Variants in CCER2 observed in about 807,000 individuals in gnomAD.
The protein encoded by CCER2 is coiled-coil domain-containing glutamate-rich protein 2.
Under a neutral mutation model 27.1 loss-of-function variants are expected in CCER2, and 20 were observed. The ratio of observed to expected loss-of-function variants is 0.74; its 90% CI spans 0.52 to 1.07. The LOEUF is 1.07. CCER2 is among the 50% of genes least tolerant of loss of function. The pLI, the probability that CCER2 is intolerant of heterozygous loss-of-function variation, is 0.00. For synonymous variants in CCER2, 140 were observed against 144.3 expected (o/e 0.97, Z 0.21); for missense variants, 351 against 344.7 (o/e 1.02, Z -0.14).
chr19:38,909,603 C>T (rs368248595), intron 4 of CCER2, among the ~76,000 whole-genome samples: 19 of 152,232 alleles, frequency 1.2e-4, no homozygotes, highest in East Asian at 7.7e-4. Context: ...GATGGAGTCT[C>T]GCTCTGTCAC....
Position 38,912,101 on chromosome 19 carries a change from C to T in CCER2, c.58G>A (p.Ala20Thr). Residue 20 changes from alanine to threonine, a missense_variant, in exon 1 of 5, where the codon GCG becomes ACG. By Grantham distance (58) the Ala-to-Thr change is moderately conservative. Transcript: ENST00000571838. ...ACTCGGCAGGTCCCGCACTCACCCG[C>T]CCCCAGCAGGAGCAGCCGCAGCAGC... ...LLLLRLLLLGAATAAPLAPRP... is the reference protein window; with the variant it reads ...LLLLRLLLLGTATAAPLAPRP... 6.6e-7 allele frequency: 1 copy of T among 1,517,128 alleles called. No homozygotes were observed. The highest frequency in any genetic ancestry group is 8.8e-7 in the Non-Finnish European group (1 of 1,139,368). The allele number at this position is 1,517,128 out of a possible 1,614,324, so 94.0% of individuals were successfully genotyped here. A position where few individuals can be genotyped will look rare whatever the true frequency, so the allele number is the denominator to read the frequency against.
rs757836952 is a variant in CCER2 at position 38,909,339 on chromosome 19, A to T, written c.712-14T>A. ...CACCTCCTTTTCCTGGTGGGGTCAGAAACGGGGTAGTCAGCACCCACCTTC... is the reference window on the plus strand; with the variant it reads ...CACCTCCTTTTCCTGGTGGGGTCAGTAACGGGGTAGTCAGCACCCACCTTC... On this transcript the variant is annotated splice_polypyrimidine_tract_variant and intron_variant, in intron 4 of 4. Transcript: ENST00000571838. 28 of 1,535,258 alleles carry T rather than the reference A, an allele frequency of 1.8e-5. No homozygotes were observed. Among genetic ancestry groups the T allele is most frequent in the Non-Finnish European group, 8.7e-7 (1 of 1,146,654 alleles).
Position 38,909,090 on chromosome 19 carries a change from C to G in CCER2, c.*146G>C. 1 of 1,015,776 alleles carries G rather than the reference C, an allele frequency of 9.8e-7. No homozygotes were observed. The highest frequency in any genetic ancestry group is 1.4e-6 in the Non-Finnish European group (1 of 702,372). The allele number at this position is 1,015,776 out of a possible 1,614,324, so 62.9% of individuals were successfully genotyped here. A position where few individuals can be genotyped will look rare whatever the true frequency, so the allele number is the denominator to read the frequency against. ...CAGCCCCCGGCCCAGCTCAGACTCA[C>G]CTCCTTGGGTGTGGTTCCAAGGCAC... On this transcript the variant is annotated 3_prime_UTR_variant, in exon 5 of 5. Transcript: ENST00000571838.
Position 38,909,104 on chromosome 19 carries a change from G to T in CCER2, c.*132C>A. The T allele has an allele frequency of 9.1e-7, 1 of 1,094,578 alleles. No individual in the cohort carries two copies. The allele number at this position is 1,094,578 out of a possible 1,614,324, so 67.8% of individuals were successfully genotyped here. On this transcript the variant is annotated 3_prime_UTR_variant, in exon 5 of 5. Transcript: ENST00000571838. ...GCTCAGACTCACCTCCTTGGGTGTG[G>T]TTCCAAGGCACGTCCGCCTCCTCCC...
rs777939602 is a variant in CCER2, at chr19:38,911,607, C to T, written c.149G>A (p.Gly50Asp). ...AGTGCAGGGTCCTCTCTGGACCTGG[C>T]CCACGGTCAGCACCTCTGTGACCAC... Reference protein sequence around the residue: ...AEVVTEVLTVGQVQRGPCTAL... With the variant: ...AEVVTEVLTVDQVQRGPCTAL... Residue 50 changes from glycine to aspartate, a missense_variant, in exon 3 of 5, where the codon GGC becomes GAC. Transcript: ENST00000571838. 29 of 1,535,436 alleles carry T rather than the reference C, an allele frequency of 1.9e-5. No homozygotes were observed. In the South Asian group the frequency reaches 3.2e-4, roughly 17 times the overall value.
chr19:38,911,492 G>T, intron 3 of CCER2, 74 bp downstream of exon 3: 1 of 1,292,160 alleles, frequency 7.7e-7, no homozygotes, highest in Non-Finnish European at 1.1e-6. Context: ...TGGGCACCTG[G>T]GCAGGACCCT....
At chr19:38,911,944 A>C in intron 1 of CCER2, 92 bp from the exon 2 acceptor site, 1 of 1,500,820 alleles carries the variant, frequency 6.7e-7, no homozygotes, top group Non-Finnish European at 8.9e-7. Context: ...GTCCCCACAC[A>C]TCCCCTCCCC....
At position 38,909,136 on chromosome 19, in the gene CCER2, G is replaced by C; in HGVS notation, c.*100C>G. On this transcript the variant is annotated 3_prime_UTR_variant, in exon 5 of 5. Transcript: ENST00000571838. ...GGCACGTCCGCCTCCTCCCCTGTTT[G>C]GGTAGGGGTGGCGTGGGGTGCTAGG... is the stretch of plus-strand genomic sequence containing the variant. The C allele has an allele frequency of 8.0e-7, 1 of 1,255,192 alleles. No homozygotes were observed. Among genetic ancestry groups the C allele is most frequent in the South Asian group, 1.3e-5 (1 of 74,562 alleles). The allele number at this position is 1,255,192 out of a possible 1,614,324, so 77.8% of individuals were successfully genotyped here.
rs1974307231 is a variant in CCER2 at position 38,911,491 on chromosome 19, G to A, written c.190+75C>T. ...TGGGTGGGAGAGCATGTGGGCACCTGGGCAGGACCCTGGGTGGGGTAGGGT... is the reference window on the plus strand; with the variant it reads ...TGGGTGGGAGAGCATGTGGGCACCTAGGCAGGACCCTGGGTGGGGTAGGGT... On this transcript the variant is annotated intron_variant, in intron 3 of 4. Transcript: ENST00000571838. 6 of 1,282,724 alleles carry A rather than the reference G, an allele frequency of 4.7e-6. No homozygotes were observed. The South Asian group carries it at 7.7e-5, about 16-fold the overall frequency. 79.5% of individuals were successfully genotyped at this position (1,282,724 alleles called of 1,614,324 possible). A position where few individuals can be genotyped will look rare whatever the true frequency, so the allele number is the denominator to read the frequency against.
chr19:38,909,507 G>A (rs1347256922), intron 4 of CCER2, among the ~76,000 whole-genome samples, 182 bp from the exon 5 acceptor site: 1 of 152,174 alleles, frequency 6.6e-6, no homozygotes, highest in Non-Finnish European at 1.5e-5. Flanking sequence ...GCTGGCTAAC[G>A]CGACCACAGC....
intron 3 of CCER2, 75 bp downstream of exon 3, chr19:38,911,491 G>T: frequency 1.6e-6 from 2 of 1,282,840 alleles, no homozygotes; most frequent in Non-Finnish European, 2.2e-6. Context: ...GTGGGCACCT[G>T]GGCAGGACCC....
chr19:38,912,108 C>A lies in CCER2; in HGVS notation c.51G>T (p.Leu17=). The stretch of plus-strand genomic sequence containing the variant: ...AGGTCCCGCACTCACCCGCCCCCAG[C>A]AGGAGCAGCCGCAGCAGCAGCAGCT... ...ASELLLLRLL[L]LGAATAAPLA... Residue 17 remains leucine, a synonymous_variant, in exon 1 of 5, where the codon CTG becomes CTT. Transcript: ENST00000571838. 6.6e-7 allele frequency: 1 copy of A among 1,516,674 alleles called. No homozygotes were observed. The highest frequency in any genetic ancestry group is 8.8e-7 in the Non-Finnish European group (1 of 1,139,062). The allele number at this position is 1,516,674 out of a possible 1,614,324, so 94.0% of individuals were successfully genotyped here. A position where few individuals can be genotyped will look rare whatever the true frequency, so the allele number is the denominator to read the frequency against.
rs1444600827 is a variant in CCER2 at position 38,910,624 on chromosome 19, T to C, written c.650A>G (p.His217Arg). 8.5e-6 allele frequency: 13 copies of C among 1,525,322 alleles called. No individual in the cohort carries two copies. Among genetic ancestry groups the C allele is most frequent in the African/African-American group, 2.7e-5 (2 of 72,918 alleles). 94.5% of individuals were successfully genotyped at this position (1,525,322 alleles called of 1,614,324 possible). A position where few individuals can be genotyped will look rare whatever the true frequency, so the allele number is the denominator to read the frequency against. ...CTCAGCCTCTGGCTGGTGGTGGTGG[T>C]GGTGGTGGTGGGGCAAGTCCTCGCG... is the stretch of plus-strand genomic sequence containing the variant. ...ERREDLPHHH[H>R]HHHQPEAEPR... is the part of the protein sequence containing the mutation. The change falls in exon 4 of 5, where the codon CAC becomes CGC. Residue 217 changes from histidine to arginine, a missense_variant. By Grantham distance (29) the His-to-Arg change is conservative. Coordinates refer to ENST00000571838, the MANE Select transcript of CCER2 (RefSeq NM_001243212.2).
intron 4 of CCER2, 140 bp from the exon 5 acceptor site, chr19:38,909,465 C>A (rs1293349277): frequency 1.8e-5 from 14 of 780,818 alleles, no homozygotes; most frequent in Non-Finnish European, 2.7e-5. Flanking sequence ...CGATGGTGAC[C>A]ATGCTGATTG....
intron 3 of CCER2, 137 bp downstream of exon 3, chr19:38,911,429 G>C (rs1158359078): frequency 9.2e-6 from 7 of 758,288 alleles, no homozygotes; most frequent in African/African-American, 1.7e-5. Context: ...CCAGGCAACA[G>C]GGCTCTGGGA....
chr19:38,909,123 T>C lies in CCER2; in HGVS notation c.*113A>G, dbSNP rs1490481141. 1 of 1,193,644 alleles carries C rather than the reference T, an allele frequency of 8.4e-7. No homozygotes were observed. The highest frequency in any genetic ancestry group is 1.2e-6 in the Non-Finnish European group (1 of 850,828). The allele number at this position is 1,193,644 out of a possible 1,614,324, so 73.9% of individuals were successfully genotyped here. ...GGTGTGGTTCCAAGGCACGTCCGCC[T>C]CCTCCCCTGTTTGGGTAGGGGTGGC... On this transcript the variant is annotated 3_prime_UTR_variant, in exon 5 of 5. Coordinates refer to ENST00000571838, the MANE Select transcript of CCER2 (RefSeq NM_001243212.2).
chr19:38,910,847 TCTCCTCCTTCTC>T lies in CCER2; in HGVS notation c.415_426del (p.Glu139_Glu142del), dbSNP rs1376900616. On this transcript the variant is annotated inframe_deletion, in exon 4 of 5. Transcript: ENST00000571838. ...AAGGTCTCCATGGGCCCCCTCTTCC[TCTCCTCCTTCTC>T]CTCCTCCTCGTCCTCCTCCTGGTGG... is the stretch of plus-strand genomic sequence containing the variant. The T allele has an allele frequency of 1.3e-6, 2 of 1,521,524 alleles. No individual in the cohort carries two copies. The highest frequency in any genetic ancestry group is 1.8e-6 in the Non-Finnish European group (2 of 1,139,550). 94.3% of individuals were successfully genotyped at this position (1,521,524 alleles called of 1,614,324 possible). A position where few individuals can be genotyped will look rare whatever the true frequency, so the allele number is the denominator to read the frequency against.
chr19:38,911,601 A>G lies in CCER2; in HGVS notation c.155T>C (p.Val52Ala), dbSNP rs1974309506. 6.5e-6 allele frequency: 10 copies of G among 1,535,238 alleles called. No individual in the cohort carries two copies. The highest frequency in any genetic ancestry group is 8.7e-6 in the Non-Finnish European group (10 of 1,146,714). ...AAGAGCAGTGCAGGGTCCTCTCTGG[A>G]CCTGGCCCACGGTCAGCACCTCTGT... ...VVTEVLTVGQVQRGPCTALLH... is the reference protein window; with the variant it reads ...VVTEVLTVGQAQRGPCTALLH... Residue 52 changes from valine to alanine, a missense_variant, in exon 3 of 5, where the codon GTC becomes GCC. Transcript: ENST00000571838.
At chr19:38,909,414 T>TA (rs11404115) in intron 4 of CCER2, 89 bp from the exon 5 acceptor site, 492,985 of 1,214,676 alleles carry the variant, frequency 0.41, 105,555 homozygotes, top group East Asian at 0.8. Context: ...TCGGTTCTCA[T>TA]AGTGGCATCC....
Sources: allele counts gnomAD v4.1 joint callset (sites outside exome capture counted in the v4.1 genomes callset), GRCh38; gene constraint gnomAD v4.1.1; transcripts MANE v1.5; gene names NCBI Gene and HGNC (gene_info 2026-07-23, HGNC 2026-07-21).